JAKMIP2: variants seen among roughly 807,000 people sequenced by gnomAD.
The protein encoded by JAKMIP2 is janus kinase and microtubule interacting protein 2, also known as janus kinase and microtubule-interacting protein 2.
Under a neutral mutation model 115.0 loss-of-function variants are expected in JAKMIP2, and 25 were observed. That is an observed-to-expected ratio of 0.22 (90% CI 0.16 to 0.30). JAKMIP2 has a LOEUF of 0.30. Ranked by LOEUF, JAKMIP2 falls within the 10% of genes least tolerant of loss-of-function variation. The pLI is 1.00. For synonymous variants in JAKMIP2, 334 were observed against 343.6 expected, an observed-to-expected ratio of 0.97 and a Z score of 0.31; for missense variants, 642 against 957.6, an observed-to-expected ratio of 0.67 and a Z score of 4.35.
At chr5:147,592,117 G>A (rs900825610) in intron 21 of JAKMIP2, among the ~76,000 whole-genome samples, 1 of 152,166 alleles carries the variant, frequency 6.6e-6, no homozygotes, top group Admixed American at 6.5e-5. Flanking sequence ...ATTTCATGAT[G>A]CAGAAGTCTG....
chr5:147,596,497 A>G (rs986754963), intron 21 of JAKMIP2, among the ~76,000 whole-genome samples: 2 of 152,240 alleles, frequency 1.3e-5, no homozygotes, highest in Non-Finnish European at 2.9e-5. Flanking sequence ...AATATGAGTT[A>G]TCTTTGAAAG....
At position 147,717,773 on chromosome 5, in the gene JAKMIP2, A is replaced by G. The variant is rs1753073956; in HGVS notation, c.-148-45819T>C. ...TGAGACAATGGGGTTTTCTAGATAT[A>G]CAATCATGTCGTCTGCAAACAGGGA... On this transcript the variant is annotated intron_variant, in intron 1 of 21. Coordinates refer to ENST00000616793, the MANE Select transcript of JAKMIP2 (RefSeq NM_001270941.2). Among the ~76,000 whole-genome samples, 3 of 140,234 alleles carry G rather than the reference A, an allele frequency of 2.1e-5. No homozygotes were observed. In the South Asian group the frequency reaches 7.3e-4, roughly 34 times the overall value. The allele number at this position is 140,234 out of a possible 152,430, so 92.0% of individuals were successfully genotyped here. A position where few individuals can be genotyped will look rare whatever the true frequency, so the allele number is the denominator to read the frequency against.
intron 1 of JAKMIP2, among the ~76,000 whole-genome samples, chr5:147,744,011 C>A (rs1423252604): frequency 8.3e-6 from 1 of 121,188 alleles, no homozygotes; most frequent in Non-Finnish European, 1.7e-5. Flanking sequence ...TCCTTCCTTC[C>A]TTCCTTCCTT....
intron 1 of JAKMIP2, among the ~76,000 whole-genome samples, chr5:147,702,958 C>T (rs1445022830): frequency 2.0e-5 from 3 of 152,086 alleles, no homozygotes; most frequent in Admixed American, 6.6e-5. Flanking sequence ...CATTAAAAAT[C>T]CTATAATTTC....
chr5:147,731,885 TC>T (rs1753747665), intron 1 of JAKMIP2, among the ~76,000 whole-genome samples: 1 of 152,198 alleles, frequency 6.6e-6, no homozygotes, highest in African/African-American at 2.4e-5. Flanking sequence ...TTTGCACATC[TC>T]CCAGTGTTGC....
chr5:147,648,187 G>C (rs766077290), intron 5 of JAKMIP2, among the ~76,000 whole-genome samples, 189 bp downstream of exon 5: 1 of 152,190 alleles, frequency 6.6e-6, no homozygotes, highest in East Asian at 1.9e-4. Flanking sequence ...GGTGTGAGAT[G>C]CTGGTAATCT....
At chr5:147,668,667 G>T (rs1383081069) in intron 2 of JAKMIP2, among the ~76,000 whole-genome samples, 2 of 152,172 alleles carry the variant, frequency 1.3e-5, no homozygotes, top group Non-Finnish European at 1.5e-5. Context: ...TGAGATAATG[G>T]CATGAAAGCA....
chr5:147,703,103 G>T (rs1752438053), intron 1 of JAKMIP2, among the ~76,000 whole-genome samples: 1 of 152,072 alleles, frequency 6.6e-6, no homozygotes, highest in South Asian at 2.1e-4. Flanking sequence ...CTCAAGAAGA[G>T]ATAATGATAT....
intron 1 of JAKMIP2, among the ~76,000 whole-genome samples, chr5:147,778,363 T>A (rs1392086848): frequency 6.6e-6 from 1 of 152,098 alleles, no homozygotes; most frequent in African/African-American, 2.4e-5. Flanking sequence ...TATTTGGCAA[T>A]TAAATATGGC....
chr5:147,767,107 A>C (rs1349991244), intron 1 of JAKMIP2, among the ~76,000 whole-genome samples: 9 of 152,176 alleles, frequency 5.9e-5, no homozygotes. Context: ...GCAGCATACC[A>C]CATTATATGC....
intron 1 of JAKMIP2, among the ~76,000 whole-genome samples, chr5:147,698,396 T>C (rs1040391860): frequency 2.0e-5 from 3 of 152,128 alleles, no homozygotes; most frequent in African/African-American, 7.2e-5. Context: ...GTTAAGACTT[T>C]GGGGTACTGT....
intron 2 of JAKMIP2, 48 bp from the exon 3 acceptor site, chr5:147,661,493 CG>C (rs775728769): frequency 6.4e-7 from 1 of 1,556,104 alleles, no homozygotes; most frequent in South Asian, 1.2e-5. Context: ...CCTCAAAGGA[CG>C]GGTGTGCTCC....
chr5:147,764,948 G>GAA (rs1755083719), intron 1 of JAKMIP2, among the ~76,000 whole-genome samples: 1 of 56,562 alleles, frequency 1.8e-5, no homozygotes, highest in Non-Finnish European at 3.0e-5. Flanking sequence ...GAGAGAGAGG[G>GAA]AGAGAGAGAG....
Position 147,648,430 on chromosome 5 carries a change from A to G in JAKMIP2, c.882T>C (p.Thr294=). The G allele has an allele frequency of 6.2e-7, 1 of 1,610,018 alleles. No individual in the cohort carries two copies. ...NQKRIAELNA[T]IRKLEDRNTL... is the part of the protein sequence containing the mutation. ...TATTCCTGTCTTCTAATTTTCTTAT[A>G]GTGGCATTCAATTCAGCTATTCTCT... The change falls in exon 5 of 22, where the codon ACT becomes ACC. Residue 294 remains threonine, a synonymous_variant. Transcript: ENST00000616793.
chr5:147,763,248 T>C (rs1754995745), intron 1 of JAKMIP2, among the ~76,000 whole-genome samples: 1 of 152,126 alleles, frequency 6.6e-6, no homozygotes, highest in Admixed American at 6.6e-5. Context: ...AGACAGTCTT[T>C]GTTTTCTATA....
chr5:147,600,930 C>G (rs1484663087), intron 21 of JAKMIP2, among the ~76,000 whole-genome samples: 3 of 152,052 alleles, frequency 2.0e-5, no homozygotes, highest in Non-Finnish European at 4.4e-5. Context: ...AGCCTGCTTT[C>G]TTGAGTTTTA....
intron 3 of JAKMIP2, among the ~76,000 whole-genome samples, chr5:147,656,839 A>C (rs1758700721): frequency 1.3e-5 from 2 of 151,984 alleles, no homozygotes; most frequent in Non-Finnish European, 1.5e-5. Flanking sequence ...TTTTCTTTCT[A>C]TATTTAGTGC....
chr5:147,702,664 G>GAAAGAAAGAAAGAAAGAAAGAA (rs751253168), intron 1 of JAKMIP2, among the ~76,000 whole-genome samples: 2 of 101,094 alleles, frequency 2.0e-5, no homozygotes, highest in Admixed American at 1.1e-4. Context: ...AAGAAAGAAA[G>GAAAGAAAGAAAGAAAGAAAGAA]AGAGAGAAAG....
At chr5:147,654,916 A>C (rs965222713) in intron 3 of JAKMIP2, among the ~76,000 whole-genome samples, 6 of 151,982 alleles carry the variant, frequency 3.9e-5, no homozygotes, top group Non-Finnish European at 5.9e-5. Context: ...ACCTGAAGGG[A>C]TGTTGAATTT....
Sources: gnomAD v4.1 joint callset for allele counts (sites outside exome capture counted in the v4.1 genomes callset) on GRCh38, gnomAD v4.1.1 for gene constraint, MANE v1.5 for transcripts, NCBI Gene and HGNC (gene_info 2026-07-23, HGNC 2026-07-21) for gene names.